CFAP54: variants seen among roughly 807,000 people sequenced by gnomAD.
CFAP54 encodes cilia and flagella associated protein 54.
Under a neutral mutation model 370.4 loss-of-function variants are expected in CFAP54, and 290 were observed. The observed-to-expected ratio is 0.78, with a 90% confidence interval of 0.71 to 0.86. The LOEUF (loss-of-function observed/expected upper bound fraction) is 0.86, where lower values mean the gene tolerates loss of function less well. Ranked by LOEUF, CFAP54 falls within the 40% of genes least tolerant of loss-of-function variation. The probability of loss-of-function intolerance (pLI) is 0.00; values close to 1 mark genes in which losing one functional copy is unlikely to be tolerated. For missense variants in CFAP54, 3,399 were observed against 3,528.7 expected (o/e 0.96, Z 0.93); for synonymous variants, 1,206 against 1,236.5 (o/e 0.98, Z 0.52).
intron 55 of CFAP54, among the ~76,000 whole-genome samples, chr12:96,752,889 C>T (rs1180251367): frequency 1.3e-5 from 2 of 152,144 alleles, no homozygotes; most frequent in Non-Finnish European, 2.9e-5. Context: ...CTTCTGTTTA[C>T]CAGCCATCTA....
At chr12:96,530,014 A>G (rs998372806) in intron 9 of CFAP54, among the ~76,000 whole-genome samples, 2 of 152,208 alleles carry the variant, frequency 1.3e-5, no homozygotes, top group African/African-American at 4.8e-5. Context: ...GTTTATACGA[A>G]GTAGAAATCA....
At chr12:96,675,871 A>G (rs1364556808) in intron 39 of CFAP54, among the ~76,000 whole-genome samples, 1 of 145,058 alleles carries the variant, frequency 6.9e-6, no homozygotes, top group Non-Finnish European at 1.5e-5. Flanking sequence ...TCTCACTCAC[A>G]GGTGGGAATT....
intron 12 of CFAP54, among the ~76,000 whole-genome samples, chr12:96,536,626 C>CTTT (rs10638883): frequency 4.3e-5 from 6 of 138,142 alleles, no homozygotes; most frequent in Admixed American, 2.9e-4. Flanking sequence ...TTTTCTTTTT[C>CTTT]TTTTTTTTTT....
chr12:96,819,024 C>A (rs10777817), intron 65 of CFAP54, among the ~76,000 whole-genome samples: 118,775 of 152,218 alleles, frequency 0.78, 46,585 homozygotes, highest in African/African-American at 0.85. Flanking sequence ...GATAGATGTA[C>A]ATGGCTTAAA....
Position 96,618,447 on chromosome 12 carries a change from T to C in CFAP54, c.3640-3143T>C, listed in dbSNP as rs188148618. 1.4e-4 allele frequency among the ~76,000 whole-genome samples: 22 copies of C among 152,262 alleles called. 1 individual carries two copies. The highest frequency in any genetic ancestry group is 9.8e-4 in the Admixed American group (15 of 15,298). On this transcript the variant is annotated intron_variant, in intron 26 of 67. Coordinates refer to ENST00000524981, the MANE Select transcript of CFAP54 (RefSeq NM_001306084.2). ...GTCTGGACAGGAGATTCGCTTCTCGTCTCTCAAGGAGGGAAGGGTGGTTGT... is the reference window on the plus strand; with the variant it reads ...GTCTGGACAGGAGATTCGCTTCTCGCCTCTCAAGGAGGGAAGGGTGGTTGT...
chr12:96,768,236 G>A (rs1321743093), intron 60 of CFAP54, among the ~76,000 whole-genome samples: 2 of 152,104 alleles, frequency 1.3e-5, no homozygotes, highest in African/African-American at 2.4e-5. Flanking sequence ...CAGGAGAATC[G>A]CTTGAACCCA....
At chr12:96,495,450 G>T (rs1954940797) in intron 1 of CFAP54, among the ~76,000 whole-genome samples, 1 of 151,142 alleles carries the variant, frequency 6.6e-6, no homozygotes. Flanking sequence ...TTGGTAGCTG[G>T]ACTATAGGTG....
rs146163580 is a variant in CFAP54 at position 96,637,639 on chromosome 12, A to G, written c.4317-6539A>G. ...GTCTCAAGAAATTTCAAGTAATTGGAATCATATGAACCATATTTTATTACA... is the reference window on the plus strand; with the variant it reads ...GTCTCAAGAAATTTCAAGTAATTGGGATCATATGAACCATATTTTATTACA... On this transcript the variant is annotated intron_variant, in intron 32 of 67. Coordinates refer to ENST00000524981, the MANE Select transcript of CFAP54 (RefSeq NM_001306084.2). Among the ~76,000 whole-genome samples, 717 of 152,338 alleles carry G rather than the reference A, an allele frequency of 4.7e-3. 4 individuals carry two copies. Among genetic ancestry groups the G allele is most frequent in the African/African-American group, 0.016 (680 of 41,574 alleles).
At chr12:96,645,017 G>A (rs892913251) in intron 33 of CFAP54, 3 of 361,570 alleles carry the variant, frequency 8.3e-6, no homozygotes, top group East Asian at 7.4e-5. Flanking sequence ...AGGGTAAAAT[G>A]TAATTCCAAG....
chr12:96,721,034 T>C (rs1195724986), intron 50 of CFAP54, among the ~76,000 whole-genome samples: 2 of 150,970 alleles, frequency 1.3e-5, no homozygotes, highest in African/African-American at 4.9e-5. Context: ...AAAAAAAAAA[T>C]TACAGTTCTC....
rs1954858214 is a variant in CFAP54 at position 96,489,883 on chromosome 12, T to TTAGCCA, written c.275_280dup (p.Ala93_Thr94insIleAla). On this transcript the variant is annotated inframe_insertion, in exon 1 of 68. Transcript: ENST00000524981. ...AGGCTTTATGAGGAAAAAGAAGGCTTTAGCCACCACGGAGGAAGAGAAGCA... is the reference window on the plus strand; with the variant it reads ...AGGCTTTATGAGGAAAAAGAAGGCTTTAGCCATAGCCACCACGGAGGAAGAGAAGCA... 5.9e-6 allele frequency: 9 copies of TTAGCCA among 1,535,104 alleles called. No individual in the cohort carries two copies. Among genetic ancestry groups the TTAGCCA allele is most frequent in the Non-Finnish European group, 7.9e-6 (9 of 1,146,230 alleles).
Position 96,626,796 on chromosome 12 carries a change from C to G in CFAP54, c.3977-17C>G, listed in dbSNP as rs960338352. 1 of 1,290,912 alleles carries G rather than the reference C, an allele frequency of 7.7e-7. No homozygotes were observed. Among genetic ancestry groups the G allele is most frequent in the African/African-American group, 1.5e-5 (1 of 67,380 alleles). 80.0% of individuals were successfully genotyped at this position (1,290,912 alleles called of 1,614,324 possible). A position where few individuals can be genotyped will look rare whatever the true frequency, so the allele number is the denominator to read the frequency against. ...GAGTATATTGTTAACTATATATGAA[C>G]TTCCTTGTTATTACAGTTATGAAAT... On this transcript the variant is annotated splice_polypyrimidine_tract_variant and intron_variant, in intron 29 of 67. Coordinates refer to ENST00000524981, the MANE Select transcript of CFAP54 (RefSeq NM_001306084.2).
chr12:96,617,729 C>G (rs755309917), intron 26 of CFAP54, among the ~76,000 whole-genome samples: 1 of 152,108 alleles, frequency 6.6e-6, no homozygotes, highest in Non-Finnish European at 1.5e-5. Flanking sequence ...TGGTGGCTCA[C>G]GCCTGTAATC....
chr12:96,764,004 C>T (rs953724196), intron 58 of CFAP54, 147 bp from the exon 59 acceptor site: 81 of 514,838 alleles, frequency 1.6e-4, no homozygotes, highest in Non-Finnish European at 2.5e-4. Flanking sequence ...ACTTTTCTTT[C>T]CTCAATGTAT....
At chr12:96,733,792 A>G (rs1017655481) in intron 50 of CFAP54, among the ~76,000 whole-genome samples, 6 of 152,180 alleles carry the variant, frequency 3.9e-5, no homozygotes, top group African/African-American at 1.2e-4. Context: ...GGTATGTCTT[A>G]TATTTTATTC....
At chr12:96,599,275 T>C (rs1489366827) in intron 26 of CFAP54, among the ~76,000 whole-genome samples, 2 of 151,922 alleles carry the variant, frequency 1.3e-5, no homozygotes, top group Non-Finnish European at 2.9e-5. Flanking sequence ...TTTCTGTCCT[T>C]GTGATATTTT....
chr12:96,823,400 A>G (rs1490182311), intron 65 of CFAP54, among the ~76,000 whole-genome samples: 1 of 152,154 alleles, frequency 6.6e-6, no homozygotes, highest in Admixed American at 6.5e-5. Context: ...GTGCTTCCTT[A>G]ATAGTTTGTG....
At chr12:96,519,796 C>A (rs1387877293) in intron 6 of CFAP54, among the ~76,000 whole-genome samples, 1 of 152,174 alleles carries the variant, frequency 6.6e-6, no homozygotes. Context: ...CACTTAAAAT[C>A]TATTTACTAG....
At chr12:96,593,038 G>C (rs1005409927) in intron 24 of CFAP54, among the ~76,000 whole-genome samples, 1 of 152,020 alleles carries the variant, frequency 6.6e-6, no homozygotes, top group African/African-American at 2.4e-5. Context: ...TGATCTACTT[G>C]CTATTCTGCA....
Sources: gnomAD v4.1 joint callset for allele counts (sites outside exome capture counted in the v4.1 genomes callset) on GRCh38, gnomAD v4.1.1 for gene constraint, MANE v1.5 for transcripts, NCBI Gene and HGNC (gene_info 2026-07-23, HGNC 2026-07-21) for gene names.